SCAP: variants seen among roughly 807,000 people sequenced by gnomAD.
SCAP encodes the protein sterol regulatory element-binding protein cleavage-activating protein.
Under a neutral mutation model 123.6 loss-of-function variants are expected in SCAP, and 65 were observed. That is an observed-to-expected ratio of 0.53 (90% CI 0.43 to 0.65). The LOEUF (loss-of-function observed/expected upper bound fraction) is 0.65. Among genes scored for constraint, SCAP ranks in the 30% least tolerant of loss-of-function variants. The pLI is 0.00. For synonymous variants in SCAP, 740 were observed against 726.3 expected (o/e 1.02, Z -0.30); for missense variants, 1,398 against 1,712.5 (o/e 0.82, Z 3.24).
At chr3:47,456,267 T>C (rs1039971943) in intron 1 of SCAP, among the ~76,000 whole-genome samples, 45 of 152,040 alleles carry the variant, frequency 3.0e-4, no homozygotes, top group African/African-American at 1.0e-3. Flanking sequence ...CTGGGCATGG[T>C]GATGCACACC....
rs146973942 is a variant in SCAP, at chr3:47,413,726, A to AGTT, written c.*125_*127dup. 888 of 1,295,494 alleles carry AGTT rather than the reference A, an allele frequency of 6.9e-4. 10 individuals carry two copies. In the East Asian group the frequency reaches 0.019, roughly 27 times the overall value. The allele number at this position is 1,295,494 out of a possible 1,614,324, so 80.2% of individuals were successfully genotyped here. A position where few individuals can be genotyped will look rare whatever the true frequency, so the allele number is the denominator to read the frequency against. Reference sequence around the variant, plus strand: ...AGATGATGATATGGTTTTTTAAAAAAGTTTAATATTATTACAGTCAGGAGG... The same window carrying AGTT: ...AGATGATGATATGGTTTTTTAAAAAAGTTGTTTAATATTATTACAGTCAGGAGG... On this transcript the variant is annotated 3_prime_UTR_variant, in exon 23 of 23. Transcript: ENST00000265565.
chr3:47,422,773 G>A lies in SCAP; in HGVS notation c.1151-237C>T. 3 of 446,576 alleles carry A rather than the reference G, an allele frequency of 6.7e-6. No individual in the cohort carries two copies. The Admixed American group carries it at 1.2e-4, about 17-fold the overall frequency. The allele number at this position is 446,576 out of a possible 1,614,324, so 27.7% of individuals were successfully genotyped here. ...GTGTTCACAGCCTGGAGGGTGCAGA[G>A]GAGAGCTATAATCATCAAAAGAGGG... On this transcript the variant is annotated intron_variant, in intron 9 of 22. Coordinates refer to ENST00000265565, the MANE Select transcript of SCAP (RefSeq NM_012235.4).
At position 47,414,587 on chromosome 3, in the gene SCAP, G is replaced by A. The variant is rs765062530; in HGVS notation, c.3372C>T (p.Thr1124=). 55 of 1,613,446 alleles carry A rather than the reference G, an allele frequency of 3.4e-5. 1 individual carries two copies. In the Middle Eastern group the frequency reaches 4.9e-4, roughly 15 times the overall value. ...GGCCGCTTACCTGGTCAATGTACAC[G>A]GTCGTGATGGCCCCTGAGTGGCCCT... The part of the protein sequence containing the change: ...TLQGHSGAIT[T]VYIDQTMVLA... Residue 1124 remains threonine, a synonymous_variant, in exon 21 of 23, where the codon ACC becomes ACT. Coordinates refer to ENST00000265565, the MANE Select transcript of SCAP (RefSeq NM_012235.4).
intron 1 of SCAP, among the ~76,000 whole-genome samples, chr3:47,473,085 A>AAAAAAAAAAAAAAAAAAAAC (rs1473672454): frequency 6.9e-6 from 1 of 144,412 alleles, no homozygotes; most frequent in Admixed American, 7.1e-5. Flanking sequence ...CATCTCAAAA[A>AAAAAAAAAAAAAAAAAAAAC]AAAAAAAAAA....
intron 3 of SCAP, among the ~76,000 whole-genome samples, chr3:47,431,827 C>T (rs534422829): frequency 3.3e-5 from 5 of 152,202 alleles, no homozygotes; most frequent in Admixed American, 6.5e-5. Flanking sequence ...TCACACTGTC[C>T]TCTTTGGAAG....
chr3:47,431,758 C>T (rs984337182), intron 3 of SCAP, among the ~76,000 whole-genome samples: 1 of 152,192 alleles, frequency 6.6e-6, no homozygotes, highest in African/African-American at 2.4e-5. Flanking sequence ...TAACCCCAAT[C>T]ACTTACTGTA....
chr3:47,474,174 A>G (rs1350221913), intron 1 of SCAP, among the ~76,000 whole-genome samples: 3 of 151,932 alleles, frequency 2.0e-5, no homozygotes, highest in African/African-American at 7.3e-5. Context: ...CTGAGGCAGG[A>G]GAATCGCTTG....
chr3:47,467,116 TAA>T (rs1707856337), intron 1 of SCAP, among the ~76,000 whole-genome samples: 1 of 150,658 alleles, frequency 6.6e-6, no homozygotes, highest in African/African-American at 2.4e-5. Flanking sequence ...AAAAAAAAGT[TAA>T]AAATTGTGCA....
chr3:47,454,023 T>G (rs1399382192), intron 1 of SCAP, among the ~76,000 whole-genome samples: 1 of 152,220 alleles, frequency 6.6e-6, no homozygotes, highest in African/African-American at 2.4e-5. Flanking sequence ...AGAGATCATC[T>G]CTGCCAATGC....
intron 1 of SCAP, among the ~76,000 whole-genome samples, chr3:47,454,054 C>T (rs1177800750): frequency 6.6e-6 from 1 of 152,158 alleles, no homozygotes; most frequent in Non-Finnish European, 1.5e-5. Flanking sequence ...TGATAAAATT[C>T]AACCCTCATC....
chr3:47,431,491 G>A (rs72911287), intron 3 of SCAP, among the ~76,000 whole-genome samples: 10,516 of 151,824 alleles, frequency 0.069, 1,220 homozygotes, highest in African/African-American at 0.24. Flanking sequence ...ACCACGTTAC[G>A]TTTAGCTGTA....
chr3:47,435,503 C>T lies in SCAP; in HGVS notation c.123-366G>A, dbSNP rs1312981892. ...ACACACACACACACACACACACACA[C>T]ACACACACACACACAGATAGATAGG... On this transcript the variant is annotated intron_variant, in intron 2 of 22. Coordinates refer to ENST00000265565, the MANE Select transcript of SCAP (RefSeq NM_012235.4). 5.3e-5 allele frequency among the ~76,000 whole-genome samples: 8 copies of T among 151,078 alleles called. No individual in the cohort carries two copies. The South Asian group carries it at 1.5e-3, about 28-fold the overall frequency.
At chr3:47,474,060 T>C (rs554942306) in intron 1 of SCAP, among the ~76,000 whole-genome samples, 2 of 151,966 alleles carry the variant, frequency 1.3e-5, no homozygotes, top group African/African-American at 2.4e-5. Context: ...GGTCAGGAGA[T>C]AGAGACGATC....
intron 4 of SCAP, 135 bp downstream of exon 4, chr3:47,428,378 T>C (rs1184232388): frequency 1.5e-5 from 14 of 947,738 alleles, no homozygotes; most frequent in Admixed American, 2.3e-5. Context: ...AATTCAAGGC[T>C]AGCTCACCCT....
intron 1 of SCAP, among the ~76,000 whole-genome samples, chr3:47,454,870 C>T (rs973861072): frequency 6.6e-6 from 1 of 151,668 alleles, no homozygotes; most frequent in Non-Finnish European, 1.5e-5. Flanking sequence ...TAGAAGTGTT[C>T]TCACTAACGT....
chr3:47,445,088 T>C (rs1007442864), intron 1 of SCAP, among the ~76,000 whole-genome samples: 1 of 151,930 alleles, frequency 6.6e-6, no homozygotes. Context: ...TTACTTTTTA[T>C]GGCTGAATAT....
chr3:47,431,238 C>A (rs1307708503), intron 3 of SCAP, among the ~76,000 whole-genome samples: 1 of 1,696 alleles, frequency 5.9e-4, no homozygotes, highest in Non-Finnish European at 0.019. Flanking sequence ...GGCCCACACT[C>A]ACTGTGCTGA....
At chr3:47,467,388 T>G (rs1335821073) in intron 1 of SCAP, among the ~76,000 whole-genome samples, 1 of 152,030 alleles carries the variant, frequency 6.6e-6, no homozygotes, top group East Asian at 1.9e-4. Flanking sequence ...ATGGGTCACT[T>G]GAGCTCAGGA....
intron 1 of SCAP, among the ~76,000 whole-genome samples, chr3:47,460,298 A>G (rs576790354): frequency 1.3e-5 from 2 of 152,390 alleles, no homozygotes; most frequent in African/African-American, 4.8e-5. Context: ...TAAGACAAGC[A>G]TAAGAAATTA....
Sources: gnomAD v4.1 joint callset for allele counts (sites outside exome capture counted in the v4.1 genomes callset) on GRCh38, gnomAD v4.1.1 for gene constraint, MANE v1.5 for transcripts, NCBI Gene and HGNC (gene_info 2026-07-23, HGNC 2026-07-21) for gene names.